Variants in SGCZ observed in about 807,000 individuals in gnomAD.
The protein encoded by SGCZ is sarcoglycan zeta, also known as zeta-sarcoglycan.
Under a neutral mutation model 41.3 loss-of-function variants are expected in SGCZ, and 40 were observed. The ratio of observed to expected loss-of-function variants is 0.97; its 90% CI spans 0.75 to 1.26. The LOEUF (loss-of-function observed/expected upper bound fraction) is 1.26. Ranked by LOEUF, SGCZ falls within the 50% of genes most tolerant of loss-of-function variation. The pLI is 0.00. For missense variants in SGCZ, 552 were observed against 369.8 expected (o/e 1.49, Z -4.04); for synonymous variants, 206 against 137.5 (o/e 1.50, Z -3.49).
chr8:14,237,442 A>C, intron 4 of SGCZ, 150 bp downstream of exon 4: 9 of 670,096 alleles, frequency 1.3e-5, no homozygotes, highest in Non-Finnish European at 1.5e-5. Context: ...TCAGCCTCCC[A>C]AAGTGCACTC....
chr8:14,578,703 C>T (rs915929415), intron 1 of SGCZ, among the ~76,000 whole-genome samples: 4 of 152,062 alleles, frequency 2.6e-5, no homozygotes, highest in Non-Finnish European at 5.9e-5. Context: ...GTAATTTCAA[C>T]AAATTTCTTC....
chr8:14,971,644 AC>A (rs1218423244), intron 1 of SGCZ, among the ~76,000 whole-genome samples: 1 of 95,088 alleles, frequency 1.1e-5, no homozygotes, highest in African/African-American at 3.9e-5. Flanking sequence ...CATTTTATAT[AC>A]TTTTTTTTTT....
At chr8:14,890,120 G>C (rs921504846) in intron 1 of SGCZ, among the ~76,000 whole-genome samples, 2 of 152,034 alleles carry the variant, frequency 1.3e-5, no homozygotes, top group South Asian at 2.1e-4. Context: ...GGGAGGCTGA[G>C]GCAGGTGAAT....
intron 1 of SGCZ, among the ~76,000 whole-genome samples, chr8:15,002,476 T>A (rs1316729818): frequency 1.3e-5 from 2 of 152,214 alleles, no homozygotes; most frequent in South Asian, 2.1e-4. Context: ...TTTCTGGGAA[T>A]GTGTGTGGCT....
chr8:14,430,734 C>G, intron 2 of SGCZ, among the ~76,000 whole-genome samples: 1 of 152,164 alleles, frequency 6.6e-6, no homozygotes, highest in East Asian at 1.9e-4. Context: ...GCATCCAAAT[C>G]GGAAAAGAGA....
intron 2 of SGCZ, among the ~76,000 whole-genome samples, chr8:14,532,068 A>T (rs12544457): frequency 0.14 from 21,193 of 152,110 alleles, 1,746 homozygotes; most frequent in East Asian, 0.39. Context: ...AGTACATTTT[A>T]AATCTTTCCA....
In SGCZ at chr8:14,176,672, T is replaced by C. The variant is rs565275025; in HGVS notation, c.425-11970A>G. The stretch of plus-strand genomic sequence containing the variant: ...CCACCAGGTTACTCAAGGGCATATG[T>C]CCATTGCTTGGATCAGGCTAGGTTC... On this transcript the variant is annotated intron_variant, in intron 4 of 7. Transcript: ENST00000382080. 3.9e-5 allele frequency among the ~76,000 whole-genome samples: 6 copies of C among 152,290 alleles called. No homozygotes were observed. The South Asian group carries it at 8.3e-4, about 21-fold the overall frequency.
chr8:14,325,761 T>C (rs1414124008), intron 2 of SGCZ, among the ~76,000 whole-genome samples: 4,681 of 36,638 alleles, frequency 0.13, 310 homozygotes, highest in African/African-American at 0.41. Flanking sequence ...TATATATATA[T>C]ATATATATAT....
At chr8:14,390,150 A>C (rs10092634) in intron 2 of SGCZ, among the ~76,000 whole-genome samples, 78,009 of 151,726 alleles carry the variant, frequency 0.51, 21,398 homozygotes, top group African/African-American at 0.72. Context: ...TAGGACATAG[A>C]ATTTGTAGCC....
intron 1 of SGCZ, among the ~76,000 whole-genome samples, chr8:14,742,906 CA>C (rs1251969146): frequency 6.6e-6 from 1 of 151,984 alleles, no homozygotes; most frequent in African/African-American, 2.4e-5. Context: ...AGTTACTTTC[CA>C]AGAACCAAGG....
At chr8:14,795,941 C>T (rs1316147316) in intron 1 of SGCZ, among the ~76,000 whole-genome samples, 4 of 152,088 alleles carry the variant, frequency 2.6e-5, no homozygotes, top group Non-Finnish European at 4.4e-5. Flanking sequence ...TTTTCTGTTC[C>T]TGTGTTAGTT....
At chr8:15,100,107 AC>A (rs1806547084) in intron 1 of SGCZ, among the ~76,000 whole-genome samples, 1 of 152,176 alleles carries the variant, frequency 6.6e-6, no homozygotes, top group Non-Finnish European at 1.5e-5. Context: ...AGCTAATCCA[AC>A]AAGACAGGAA....
chr8:14,185,272 C>T (rs1467168694), intron 4 of SGCZ, among the ~76,000 whole-genome samples: 1 of 151,992 alleles, frequency 6.6e-6, no homozygotes, highest in Admixed American at 6.6e-5. Context: ...CACATGGTGG[C>T]ACATGCCTGT....
intron 1 of SGCZ, among the ~76,000 whole-genome samples, chr8:14,711,973 C>G (rs551945168): frequency 6.6e-6 from 1 of 152,164 alleles, no homozygotes; most frequent in Admixed American, 6.5e-5. Flanking sequence ...AAAATCAAAA[C>G]TAAAGCTTAA....
intron 1 of SGCZ, among the ~76,000 whole-genome samples, chr8:15,189,645 G>A (rs1335148105): frequency 1.3e-5 from 2 of 151,720 alleles, no homozygotes; most frequent in African/African-American, 2.4e-5. Context: ...CCAGCTCACT[G>A]GAACCTCTGC....
intron 1 of SGCZ, among the ~76,000 whole-genome samples, chr8:14,899,679 G>A (rs1167660774): frequency 6.6e-6 from 1 of 152,106 alleles, no homozygotes; most frequent in African/African-American, 2.4e-5. Context: ...AATACAATCA[G>A]GTTCTTTTGA....
At chr8:14,410,540 TAAA>T (rs10602435) in intron 2 of SGCZ, among the ~76,000 whole-genome samples, 3,427 of 142,216 alleles carry the variant, frequency 0.024, 93 homozygotes, top group African/African-American at 0.062. Flanking sequence ...TAAGTTAATA[TAAA>T]AAAAAAAAAA....
At chr8:14,911,692 C>T (rs976126077) in intron 1 of SGCZ, among the ~76,000 whole-genome samples, 1 of 151,824 alleles carries the variant, frequency 6.6e-6, no homozygotes, top group South Asian at 2.1e-4. Flanking sequence ...TTGAAATGTA[C>T]ACACCTAGGA....
chr8:14,559,755 T>C (rs568572756), intron 1 of SGCZ, among the ~76,000 whole-genome samples: 2 of 152,258 alleles, frequency 1.3e-5, no homozygotes, highest in East Asian at 1.9e-4. Flanking sequence ...TAAAATATCA[T>C]AATTTTAAAT....
Sources: allele counts gnomAD v4.1 joint callset (sites outside exome capture counted in the v4.1 genomes callset), GRCh38; gene constraint gnomAD v4.1.1; transcripts MANE v1.5; gene names NCBI Gene and HGNC (gene_info 2026-07-23, HGNC 2026-07-21).